Variants in NLGN1 observed in about 807,000 individuals in gnomAD.
NLGN1 encodes the protein neuroligin 1.
In NLGN1, 12 loss-of-function variants were observed where a neutral mutation model predicts 65.5. The ratio of observed to expected loss-of-function variants is 0.18; its 90% confidence interval spans 0.12 to 0.30. The LOEUF (loss-of-function observed/expected upper bound fraction) is 0.30, where lower values mean the gene tolerates loss of function less well. NLGN1 is among the 10% of genes least tolerant of loss of function. The pLI is 1.00. For missense variants in NLGN1, 750 were observed against 1,007.1 expected, an observed-to-expected ratio of 0.74 and a Z score of 3.46; for synonymous variants, 350 against 359.5, an observed-to-expected ratio of 0.97 and a Z score of 0.30.
intron 1 of NLGN1, among the ~76,000 whole-genome samples, chr3:173,413,840 G>A (rs1304782864): frequency 6.6e-6 from 1 of 152,128 alleles, no homozygotes. Context: ...TGGGCAAAAG[G>A]TTTCAAGAAC....
chr3:173,539,818 A>G (rs1280199851), intron 2 of NLGN1, among the ~76,000 whole-genome samples: 3 of 134,714 alleles, frequency 2.2e-5, no homozygotes, highest in South Asian at 4.8e-4. Flanking sequence ...ATATATACAT[A>G]TGTTATATAT....
chr3:174,225,221 A>G (rs1041750087), intron 4 of NLGN1, among the ~76,000 whole-genome samples: 1 of 152,192 alleles, frequency 6.6e-6, no homozygotes, highest in African/African-American at 2.4e-5. Context: ...CACTTTCTTC[A>G]GACAAAAATA....
intron 4 of NLGN1, among the ~76,000 whole-genome samples, chr3:174,231,529 T>TAGGTTTTCAATTTTGTCTGACTATG: frequency 6.6e-6 from 1 of 152,132 alleles, no homozygotes; most frequent in South Asian, 2.1e-4. Flanking sequence ...GTCTGACTAT[T>TAGGTTTTCAATTTTGTCTGACTATG]AAGCTAGGGT....
At chr3:174,042,965 GT>G (rs1189415577) in intron 4 of NLGN1, among the ~76,000 whole-genome samples, 1 of 152,162 alleles carries the variant, frequency 6.6e-6, no homozygotes, top group Non-Finnish European at 1.5e-5. Context: ...TTGACTCACA[GT>G]TCTGCATAGC....
chr3:173,873,705 C>T (rs935154107), intron 4 of NLGN1, among the ~76,000 whole-genome samples: 1 of 152,158 alleles, frequency 6.6e-6, no homozygotes, highest in East Asian at 1.9e-4. Context: ...AGCTTCTTCT[C>T]TTAATTGTCA....
chr3:173,546,432 T>C (rs1739850953), intron 2 of NLGN1, among the ~76,000 whole-genome samples: 2 of 152,184 alleles, frequency 1.3e-5, no homozygotes, highest in African/African-American at 4.8e-5. Context: ...TAAAATACTG[T>C]CTGGAATGTG....
intron 4 of NLGN1, among the ~76,000 whole-genome samples, chr3:174,152,761 C>T (rs563122524): frequency 2.0e-4 from 31 of 151,954 alleles, no homozygotes; most frequent in Non-Finnish European, 4.1e-4. Flanking sequence ...CAAGTGAGTC[C>T]TATAATGTTA....
At chr3:174,269,112 G>A (rs1748852120) in intron 4 of NLGN1, among the ~76,000 whole-genome samples, 1 of 151,892 alleles carries the variant, frequency 6.6e-6, no homozygotes, top group Non-Finnish European at 1.5e-5. Context: ...TGCTGTGTGT[G>A]TGTGCTTTAC....
At chr3:173,922,610 C>T (rs887373533) in intron 4 of NLGN1, among the ~76,000 whole-genome samples, 1 of 151,934 alleles carries the variant, frequency 6.6e-6, no homozygotes, top group African/African-American at 2.4e-5. Flanking sequence ...ATTAATTTTA[C>T]ACACTTCAAG....
chr3:173,653,697 C>G (rs1409064141), intron 3 of NLGN1, among the ~76,000 whole-genome samples: 1 of 152,126 alleles, frequency 6.6e-6, no homozygotes, highest in Non-Finnish European at 1.5e-5. Flanking sequence ...AATCTGATTT[C>G]CCCTCCCTGG....
intron 3 of NLGN1, among the ~76,000 whole-genome samples, chr3:173,676,546 G>A (rs571635461): frequency 1.3e-5 from 2 of 151,996 alleles, no homozygotes; most frequent in Non-Finnish European, 2.9e-5. Context: ...TATGGTAAAT[G>A]AATAAAATAT....
intron 3 of NLGN1, 86 bp downstream of exon 2, chr3:173,605,177 G>A: frequency 9.0e-7 from 1 of 1,112,924 alleles, no homozygotes. Flanking sequence ...ATGTGTACTG[G>A]TAGTATGCAT....
chr3:173,610,175 T>G (rs759187148), intron 3 of NLGN1, among the ~76,000 whole-genome samples: 2 of 151,844 alleles, frequency 1.3e-5, no homozygotes, highest in Non-Finnish European at 2.9e-5. Flanking sequence ...ATTTTAAAGA[T>G]CACATTCCTT....
In NLGN1 at chr3:174,188,709, A is replaced by G. The variant is rs543692500; in HGVS notation, c.647-86606A>G. On this transcript the variant is annotated intron_variant, in intron 4 of 6. Coordinates refer to ENST00000457714, the Ensembl canonical transcript of NLGN1. ...ATAAACTCACCCTTTTTTTCCAGGT[A>G]TTAGACCTTTAGGGAATCATTTATC... Among the ~76,000 whole-genome samples the G allele has an allele frequency of 4.8e-4, 73 of 152,052 alleles. 1 individual carries two copies. The highest frequency in any genetic ancestry group is 9.1e-4 in the Non-Finnish European group (62 of 67,888).
intron 3 of NLGN1, among the ~76,000 whole-genome samples, chr3:173,733,138 C>A (rs1370931646): frequency 6.6e-6 from 1 of 152,030 alleles, no homozygotes; most frequent in African/African-American, 2.4e-5. Context: ...AATCAGTAGT[C>A]TTCTTGCTTC....
At chr3:173,512,016 A>G (rs1327462423) in intron 2 of NLGN1, among the ~76,000 whole-genome samples, 1 of 152,144 alleles carries the variant, frequency 6.6e-6, no homozygotes, top group African/African-American at 2.4e-5. Context: ...AAGCATGCAA[A>G]CAAACAAGGG....
At chr3:173,520,906 G>C (rs865819507) in intron 2 of NLGN1, among the ~76,000 whole-genome samples, 1 of 152,134 alleles carries the variant, frequency 6.6e-6, no homozygotes, top group African/African-American at 2.4e-5. Context: ...TGGCCACCTC[G>C]GTTGGCAGCA....
At chr3:174,084,145 T>G (rs1183071493) in intron 4 of NLGN1, among the ~76,000 whole-genome samples, 1 of 152,202 alleles carries the variant, frequency 6.6e-6, no homozygotes, top group Non-Finnish European at 1.5e-5. Context: ...TGGGATGGGC[T>G]ATGGAAAGAA....
At chr3:173,860,504 G>C (rs1239126842) in intron 4 of NLGN1, among the ~76,000 whole-genome samples, 1 of 151,986 alleles carries the variant, frequency 6.6e-6, no homozygotes, top group African/African-American at 2.4e-5. Flanking sequence ...GTTCTAGAAA[G>C]TCAAAAATAC....
Sources: allele counts gnomAD v4.1 joint callset (sites outside exome capture counted in the v4.1 genomes callset), GRCh38; gene constraint gnomAD v4.1.1; transcripts MANE v1.5; gene names NCBI Gene and HGNC (gene_info 2026-07-23, HGNC 2026-07-21).